SPESP1: variants seen among roughly 807,000 people sequenced by gnomAD.
The protein encoded by SPESP1 is sperm equatorial segment protein 1.
A neutral mutation model predicts 3.1 loss-of-function variants in SPESP1; 1 was observed. The observed-to-expected ratio is 0.33, with a 90% CI of 0.12 to 1.54. The LOEUF is 1.54. Ranked by LOEUF, SPESP1 falls within the 40% of genes most tolerant of loss-of-function variation. The pLI is 0.38. For synonymous variants in SPESP1, 138 were observed against 150.7 expected, an observed-to-expected ratio of 0.92 and a Z score of 0.62; for missense variants, 398 against 410.1, an observed-to-expected ratio of 0.97 and a Z score of 0.26.
chr15:68,931,965 A>T (rs1429053318), intron 1 of SPESP1, among the ~76,000 whole-genome samples: 1 of 152,258 alleles, frequency 6.6e-6, no homozygotes, highest in Non-Finnish European at 1.5e-5. Flanking sequence ...AATCAAATTT[A>T]AAAACTGAAA....
intron 1 of SPESP1, among the ~76,000 whole-genome samples, chr15:68,941,007 C>T (rs1895808331): frequency 6.6e-6 from 1 of 151,850 alleles, no homozygotes; most frequent in Admixed American, 6.6e-5. Context: ...CTGTTCTGCT[C>T]CATTCATCTG....
In SPESP1 at chr15:68,945,844, G is replaced by T; in HGVS notation, c.310G>T (p.Gly104Ter). 1 of 1,614,112 alleles carries T rather than the reference G, an allele frequency of 6.2e-7. No homozygotes were observed. Among genetic ancestry groups the T allele is most frequent in the Non-Finnish European group, 8.5e-7 (1 of 1,180,018 alleles). Residue 104 changes from glycine (G) to a stop codon, truncating the protein, a stop_gained, in exon 2 of 2, where the codon GGA (glycine) becomes TGA (stop). Coordinates refer to ENST00000310673, the MANE Select transcript of SPESP1 (RefSeq NM_145658.4). LOFTEE classifies it low-confidence loss of function (END_TRUNC). Reference sequence around the variant, plus strand: ...TGAAGAAACTACAACTTTCCCTACAGGAGGCTTCACACCGGAAATAGGAAA... The same window carrying T: ...TGAAGAAACTACAACTTTCCCTACATGAGGCTTCACACCGGAAATAGGAAA... ...ISEETTTFPT[G>*]GFTPEIGKKK... is the part of the protein sequence containing the mutation.
chr15:68,942,169 CT>C (rs778249415), intron 1 of SPESP1, among the ~76,000 whole-genome samples: 138 of 142,612 alleles, frequency 9.7e-4, no homozygotes, highest in Admixed American at 1.3e-3. Context: ...CATCTTATTT[CT>C]TTTTTTTTTT....
intron 1 of SPESP1, among the ~76,000 whole-genome samples, chr15:68,934,350 ATAAAT>A (rs1342602033): frequency 3.9e-5 from 6 of 152,368 alleles, no homozygotes; most frequent in African/African-American, 1.2e-4. Flanking sequence ...CTATCACCAA[ATAAAT>A]TAAGAGGAAA....
At chr15:68,933,053 A>G (rs1167272202) in intron 1 of SPESP1, among the ~76,000 whole-genome samples, 6 of 152,222 alleles carry the variant, frequency 3.9e-5, no homozygotes, top group Non-Finnish European at 5.9e-5. Flanking sequence ...ATTCTTTTAT[A>G]TGGCCACTAT....
rs1464112957 is a variant in SPESP1, at chr15:68,946,433, T to G, written c.899T>G (p.Ile300Ser). 6.2e-7 allele frequency: 1 copy of G among 1,613,996 alleles called. No individual in the cohort carries two copies. Among genetic ancestry groups the G allele is most frequent in the Admixed American group, 1.7e-5 (1 of 59,998 alleles). The change falls in exon 2 of 2, where the codon ATT (isoleucine) becomes AGT (serine). Residue 300 changes from isoleucine (I) to serine (S), a missense_variant. By Grantham distance (142) the Ile-to-Ser change is moderately radical. Coordinates refer to ENST00000310673, the MANE Select transcript of SPESP1 (RefSeq NM_145658.4). ...SNKIDDIETV[I>S]NMLCNSRSKL... Reference sequence around the variant, plus strand: ...AAAATTGATGACATCGAAACTGTTATTAACATGCTGTGTAATTCTAGATCT... The same window carrying G: ...AAAATTGATGACATCGAAACTGTTAGTAACATGCTGTGTAATTCTAGATCT...
chr15:68,939,313 A>G (rs771304872), intron 1 of SPESP1, among the ~76,000 whole-genome samples: 6 of 152,254 alleles, frequency 3.9e-5, no homozygotes, highest in Non-Finnish European at 7.3e-5. Flanking sequence ...ACCAGTGTAG[A>G]CTATGAATAT....
chr15:68,937,178 C>A (rs1235994493), intron 1 of SPESP1, among the ~76,000 whole-genome samples: 1 of 152,102 alleles, frequency 6.6e-6, no homozygotes, highest in Non-Finnish European at 1.5e-5. Context: ...CTGTGATTAT[C>A]TTAGTAAGAT....
At chr15:68,942,230 A>G (rs1175468231) in intron 1 of SPESP1, among the ~76,000 whole-genome samples, 1 of 149,150 alleles carries the variant, frequency 6.7e-6, no homozygotes, top group Admixed American at 6.7e-5. Flanking sequence ...TATTTCTTAT[A>G]TCTTCTAAGC....
In SPESP1 at chr15:68,945,913, A is replaced by G; in HGVS notation, c.379A>G (p.Asn127Asp). ...TACCCCATTCTGGTCGATCAAACCA[A>G]ACAATGTTTCCATTGTTTTGCATGC... is the stretch of plus-strand genomic sequence containing the variant. ...ESTPFWSIKP[N>D]NVSIVLHAEE... The change falls in exon 2 of 2, where the codon AAC (asparagine) becomes GAC (aspartate). Residue 127 changes from asparagine to aspartate, a missense_variant. Asn to Asp is a conservative substitution (Grantham distance 23). Transcript: ENST00000310673. 1 of 1,614,104 alleles carries G rather than the reference A, an allele frequency of 6.2e-7. No homozygotes were observed. The highest frequency in any genetic ancestry group is 8.5e-7 in the Non-Finnish European group (1 of 1,180,020).
chr15:68,942,433 C>T (rs1423071231), intron 1 of SPESP1, among the ~76,000 whole-genome samples: 6 of 152,114 alleles, frequency 3.9e-5, no homozygotes, highest in African/African-American at 1.4e-4. Flanking sequence ...TTTCCCTCAT[C>T]TAATTGCATT....
rs778419678 is a variant in SPESP1, at chr15:68,930,639, C to T, written c.-15C>T. ...GACGTTCCGGTCGCATGGCAGAGTG[C>T]TACGGACGACGCCTATGAAGCCCTT... On this transcript the variant is annotated 5_prime_UTR_variant, in exon 1 of 2. Coordinates refer to ENST00000310673, the MANE Select transcript of SPESP1 (RefSeq NM_145658.4). The T allele has an allele frequency of 1.7e-5, 27 of 1,613,672 alleles. No individual in the cohort carries two copies. Among genetic ancestry groups the T allele is most frequent in the Admixed American group, 1.3e-4 (8 of 60,002 alleles).
At chr15:68,930,895 C>T (rs2140414685) in intron 1 of SPESP1, among the ~76,000 whole-genome samples, 178 bp downstream of exon 1, 1 of 152,152 alleles carries the variant, frequency 6.6e-6, no homozygotes, top group South Asian at 2.1e-4. Context: ...GGTCAGGGAA[C>T]GCAGCAACTG....
At chr15:68,942,379 CAT>C (rs1471828486) in intron 1 of SPESP1, among the ~76,000 whole-genome samples, 1 of 152,146 alleles carries the variant, frequency 6.6e-6, no homozygotes, top group African/African-American at 2.4e-5. Context: ...TGTATGTAAA[CAT>C]AGTTTTACCT....
intron 1 of SPESP1, among the ~76,000 whole-genome samples, chr15:68,933,174 G>A (rs991593723): frequency 2.6e-5 from 4 of 152,130 alleles, no homozygotes; most frequent in East Asian, 1.9e-4. Context: ...AGGTTATTAC[G>A]CAAACATCAC....
rs374041399 is a variant in SPESP1, at chr15:68,946,327, C to T, written c.793C>T (p.Leu265Phe). The change falls in exon 2 of 2, where the codon CTT (leucine) becomes TTT (phenylalanine). Residue 265 changes from leucine (L) to phenylalanine (F), a missense_variant. By Grantham distance (22) the Leu-to-Phe change is conservative (BLOSUM62 0). Coordinates refer to ENST00000310673, the MANE Select transcript of SPESP1 (RefSeq NM_145658.4). ...CTCTAAAGATCACCTAAAACGAAGCCTTGCTCTAGCAGCAGCAGCAGAACA... is the reference window on the plus strand; with the variant it reads ...CTCTAAAGATCACCTAAAACGAAGCTTTGCTCTAGCAGCAGCAGCAGAACA... ...EASKDHLKRS[L>F]ALAAAAEHKL... The T allele has an allele frequency of 3.1e-6, 5 of 1,614,112 alleles. No individual in the cohort carries two copies. The East Asian group carries it at 8.9e-5, about 29-fold the overall frequency.
intron 1 of SPESP1, among the ~76,000 whole-genome samples, chr15:68,939,154 T>C (rs1895755045): frequency 6.6e-6 from 1 of 152,184 alleles, no homozygotes; most frequent in Non-Finnish European, 1.5e-5. Context: ...GCTTAGCAGT[T>C]AGCCATCCTG....
chr15:68,935,147 T>G (rs1261535903), intron 1 of SPESP1, among the ~76,000 whole-genome samples: 7 of 152,246 alleles, frequency 4.6e-5, no homozygotes, highest in Non-Finnish European at 1.0e-4. Flanking sequence ...AGAGAAAGAT[T>G]TAAAATAATG....
intron 1 of SPESP1, among the ~76,000 whole-genome samples, chr15:68,936,011 G>A (rs527298171): frequency 1.3e-5 from 2 of 152,214 alleles, no homozygotes; most frequent in East Asian, 3.9e-4. Flanking sequence ...TCTTACTTTA[G>A]TACTTAACTG....
Sources: allele counts gnomAD v4.1 joint callset (sites outside exome capture counted in the v4.1 genomes callset), GRCh38; gene constraint gnomAD v4.1.1; transcripts MANE v1.5; gene names NCBI Gene and HGNC (gene_info 2026-07-23, HGNC 2026-07-21).